The following ANKS1B variants were observed in gnomAD, a reference collection of about 807,000 sequenced individuals.
ANKS1B encodes the protein ankyrin repeat and sterile alpha motif domain-containing protein 1B.
A neutral mutation model predicts 148.3 loss-of-function variants in ANKS1B; 36 were observed. The ratio of observed to expected loss-of-function variants is 0.24; its 90% CI spans 0.19 to 0.32. The LOEUF (loss-of-function observed/expected upper bound fraction) is 0.32, where lower values mean the gene tolerates loss of function less well. Ranked by LOEUF, ANKS1B falls within the 10% of genes least tolerant of loss-of-function variation. ANKS1B has a pLI of 1.00. For synonymous variants in ANKS1B, 542 were observed against 560.8 expected (o/e 0.97, Z 0.47); for missense variants, 1,157 against 1,542.6 (o/e 0.75, Z 4.19).
chr12:99,409,822 T>C (rs1389693085), intron 11 of ANKS1B, among the ~76,000 whole-genome samples: 6 of 152,208 alleles, frequency 3.9e-5, no homozygotes, highest in African/African-American at 2.4e-5. Context: ...TCAAATAGAA[T>C]TGCACTCAGC....
At position 99,423,941 on chromosome 12, in the gene ANKS1B, C is replaced by A. The variant is rs896257791; in HGVS notation, c.1575+19732G>T. On this transcript the variant is annotated intron_variant, in intron 11 of 26. Coordinates refer to ENST00000683438, the MANE Select transcript of ANKS1B (RefSeq NM_001352186.2). ...TCTGTATAACCCCCCCACCCCGACA[C>A]AAGTTTACCTATATAACAAACCTGC... Among the ~76,000 whole-genome samples the A allele has an allele frequency of 3.7e-4, 57 of 152,200 alleles. 1 individual carries two copies. The highest frequency in any genetic ancestry group is 1.3e-3 in the African/African-American group (56 of 41,528).
intron 1 of ANKS1B, among the ~76,000 whole-genome samples, chr12:99,977,224 GCCTCAAACT>G: frequency 6.6e-6 from 1 of 152,258 alleles, no homozygotes; most frequent in Middle Eastern, 3.4e-3. Context: ...GCTCACTGCA[GCCTCAAACT>G]CCTGGGTTCA....
At chr12:99,930,145 C>A (rs944160932) in intron 1 of ANKS1B, among the ~76,000 whole-genome samples, 5 of 151,550 alleles carry the variant, frequency 3.3e-5, no homozygotes, top group African/African-American at 1.2e-4. Context: ...GAATGTTCTT[C>A]CATTTGTTTG....
chr12:99,522,806 T>G (rs1197506884), intron 9 of ANKS1B, among the ~76,000 whole-genome samples: 1 of 152,174 alleles, frequency 6.6e-6, no homozygotes, highest in Non-Finnish European at 1.5e-5. Context: ...GTGACAGGCC[T>G]CCACTCTTCA....
At chr12:99,173,398 T>C (rs2078012228) in intron 14 of ANKS1B, among the ~76,000 whole-genome samples, 2 of 152,204 alleles carry the variant, frequency 1.3e-5, no homozygotes, top group Non-Finnish European at 2.9e-5. Flanking sequence ...CGTAAAATGT[T>C]TCTTTGGGTA....
chr12:98,909,743 G>A (rs1305764812), intron 17 of ANKS1B, among the ~76,000 whole-genome samples: 1 of 152,168 alleles, frequency 6.6e-6, no homozygotes, highest in African/African-American at 2.4e-5. Context: ...ACCAAAAAGG[G>A]AAAGTGTACC....
At chr12:99,175,877 T>C (rs1601413229) in intron 14 of ANKS1B, among the ~76,000 whole-genome samples, 1 of 152,322 alleles carries the variant, frequency 6.6e-6, no homozygotes, top group East Asian at 1.9e-4. Flanking sequence ...GACCGAGTCC[T>C]GCTCTGTTGC....
intron 12 of ANKS1B, among the ~76,000 whole-genome samples, chr12:99,315,753 G>A (rs1381743429): frequency 2.6e-5 from 4 of 152,100 alleles, no homozygotes; most frequent in Non-Finnish European, 5.9e-5. Context: ...CATGTGCCAT[G>A]TTGGTGTGCT....
intron 11 of ANKS1B, among the ~76,000 whole-genome samples, chr12:99,442,962 C>T (rs913609986): frequency 3.5e-4 from 53 of 151,914 alleles, no homozygotes; most frequent in Admixed American, 2.0e-4. Context: ...CTGGGTCCAT[C>T]TGTTGGCAAA....
rs2099626942 is a variant in ANKS1B, at chr12:98,866,807, T to G, written c.2779-34671A>C. 2.0e-5 allele frequency among the ~76,000 whole-genome samples: 3 copies of G among 152,196 alleles called. No homozygotes were observed. The South Asian group carries it at 6.2e-4, about 31-fold the overall frequency. On this transcript the variant is annotated intron_variant, in intron 17 of 26. Transcript: ENST00000683438. ...CTTCCTCTCTCTGGCTTAGGTACCC[T>G]CCACTATGCTTCCACAAGAGTGTGG...
At chr12:99,187,866 C>T (rs2080083017) in intron 14 of ANKS1B, among the ~76,000 whole-genome samples, 1 of 152,068 alleles carries the variant, frequency 6.6e-6, no homozygotes, top group Non-Finnish European at 1.5e-5. Flanking sequence ...TGTAAATGGG[C>T]TAAATGACCC....
chr12:98,798,335 G>A (rs2098969477), intron 22 of ANKS1B, among the ~76,000 whole-genome samples: 1 of 151,910 alleles, frequency 6.6e-6, no homozygotes, highest in South Asian at 2.1e-4. Context: ...GGCCAGGCTG[G>A]TCTTGAACTC....
intron 9 of ANKS1B, among the ~76,000 whole-genome samples, chr12:99,593,906 C>T (rs568482174): frequency 1.3e-5 from 2 of 151,852 alleles, no homozygotes; most frequent in Non-Finnish European, 2.9e-5. Flanking sequence ...TACAAAGTGC[C>T]TGTATACACA....
chr12:99,197,504 G>A (rs550852803), intron 14 of ANKS1B, among the ~76,000 whole-genome samples: 1 of 152,238 alleles, frequency 6.6e-6, no homozygotes, highest in African/African-American at 2.4e-5. Context: ...CAAGACAAAA[G>A]ATACACTGCA....
intron 11 of ANKS1B, among the ~76,000 whole-genome samples, chr12:99,402,295 A>C (rs1197160052): frequency 1.4e-5 from 2 of 146,146 alleles, no homozygotes; most frequent in African/African-American, 5.2e-5. Flanking sequence ...TAGTTTTATG[A>C]GATGTTAAAG....
intron 9 of ANKS1B, among the ~76,000 whole-genome samples, chr12:99,543,498 A>T (rs187872646): frequency 6.6e-6 from 1 of 152,262 alleles, no homozygotes; most frequent in East Asian, 1.9e-4. Flanking sequence ...TTTGAAAACA[A>T]ATGTTCATAC....
chr12:99,565,077 T>G (rs1044831371), intron 9 of ANKS1B, among the ~76,000 whole-genome samples: 4 of 152,218 alleles, frequency 2.6e-5, no homozygotes, highest in African/African-American at 9.6e-5. Flanking sequence ...AATGATACTC[T>G]TATTCTTAAA....
At position 98,930,354 on chromosome 12, in the gene ANKS1B, C is replaced by T. The variant is rs371122859; in HGVS notation, c.2779-98218G>A. On this transcript the variant is annotated intron_variant, in intron 17 of 26. Transcript: ENST00000683438. The stretch of plus-strand genomic sequence containing the variant: ...TGGTGGGATTATAAAATGGTGAAGC[C>T]ACTTTGGAAAACAGTTCAGCAGTTC... 3.9e-5 allele frequency among the ~76,000 whole-genome samples: 6 copies of T among 152,202 alleles called. 1 individual carries two copies. Among genetic ancestry groups the T allele is most frequent in the Admixed American group, 1.3e-4 (2 of 15,268 alleles).
chr12:99,851,694 G>C (rs1414342600), intron 1 of ANKS1B, among the ~76,000 whole-genome samples: 3 of 152,086 alleles, frequency 2.0e-5, no homozygotes, highest in African/African-American at 7.2e-5. Context: ...TATAATGAAA[G>C]ATGATGTTGG....
Sources: gnomAD v4.1 joint callset for allele counts (sites outside exome capture counted in the v4.1 genomes callset) on GRCh38, gnomAD v4.1.1 for gene constraint, MANE v1.5 for transcripts, NCBI Gene and HGNC (gene_info 2026-07-23, HGNC 2026-07-21) for gene names.